LRP1B: variants seen among roughly 807,000 people sequenced by gnomAD.
LRP1B encodes LDL receptor related protein 1B, also known as low-density lipoprotein receptor-related protein 1B.
In LRP1B, 217 loss-of-function variants were observed where a neutral mutation model predicts 556.6. The ratio of observed to expected loss-of-function variants is 0.39; its 90% confidence interval spans 0.35 to 0.44. LRP1B has a LOEUF of 0.44. LRP1B is among the 20% of genes least tolerant of loss of function. The pLI is 1.00. For missense variants in LRP1B, 5,053 were observed against 5,620.8 expected (o/e 0.90, Z 3.23); for synonymous variants, 2,047 against 1,865.8 (o/e 1.10, Z -2.50).
intron 47 of LRP1B, among the ~76,000 whole-genome samples, chr2:140,527,042 CA>C (rs1346797606): frequency 6.6e-6 from 1 of 151,864 alleles, no homozygotes; most frequent in Non-Finnish European, 1.5e-5. Flanking sequence ...GGAACATATA[CA>C]CGTGTCATTC....
At chr2:140,311,943 G>A (rs1684323382) in intron 83 of LRP1B, among the ~76,000 whole-genome samples, 1 of 151,800 alleles carries the variant, frequency 6.6e-6, no homozygotes, top group African/African-American at 2.4e-5. Context: ...GTTTCATAAT[G>A]TTCTGAAGTT....
At chr2:141,339,815 G>C (rs906849117) in intron 3 of LRP1B, among the ~76,000 whole-genome samples, 2 of 152,058 alleles carry the variant, frequency 1.3e-5, no homozygotes, top group African/African-American at 4.8e-5. Flanking sequence ...GAGGGCAGCA[G>C]TGCAGGTCTG....
At chr2:141,873,705 T>G (rs1698664620) in intron 1 of LRP1B, among the ~76,000 whole-genome samples, 1 of 151,804 alleles carries the variant, frequency 6.6e-6, no homozygotes, top group African/African-American at 2.4e-5. Context: ...TGGTTTCAGG[T>G]CTGGAGTAGA....
chr2:141,000,982 G>T (rs1406745787), intron 15 of LRP1B, among the ~76,000 whole-genome samples: 1 of 151,836 alleles, frequency 6.6e-6, no homozygotes, highest in African/African-American at 2.4e-5. Context: ...AAGAATGAAA[G>T]AAATAGGAAA....
At chr2:140,498,212 C>T (rs1429671283) in intron 55 of LRP1B, among the ~76,000 whole-genome samples, 1 of 151,608 alleles carries the variant, frequency 6.6e-6, no homozygotes, top group Non-Finnish European at 1.5e-5. Context: ...CTCACCATTC[C>T]AAATTATTTA....
At chr2:140,552,787 C>T (rs1160110293) in intron 43 of LRP1B, among the ~76,000 whole-genome samples, 1 of 152,100 alleles carries the variant, frequency 6.6e-6, no homozygotes, top group East Asian at 1.9e-4. Flanking sequence ...ATTCATGTTT[C>T]TTCACAAAAC....
intron 17 of LRP1B, among the ~76,000 whole-genome samples, chr2:140,983,065 T>C (rs902630602): frequency 1.3e-5 from 2 of 151,826 alleles, no homozygotes; most frequent in African/African-American, 4.9e-5. Flanking sequence ...CCTTTTCTAG[T>C]ATAATCAGGG....
At chr2:140,469,817 A>G (rs931306471) in intron 60 of LRP1B, among the ~76,000 whole-genome samples, 2 of 152,182 alleles carry the variant, frequency 1.3e-5, no homozygotes, top group African/African-American at 4.8e-5. Flanking sequence ...CCCTGGAATT[A>G]GGTAGATCTC....
intron 7 of LRP1B, among the ~76,000 whole-genome samples, chr2:141,162,601 G>T (rs1234788830): frequency 6.6e-6 from 1 of 152,048 alleles, no homozygotes; most frequent in Non-Finnish European, 1.5e-5. Context: ...AAGTTAGCTT[G>T]CAAATAGGAT....
intron 84 of LRP1B, among the ~76,000 whole-genome samples, chr2:140,282,623 G>C (rs1347054532): frequency 6.6e-6 from 1 of 151,694 alleles, no homozygotes; most frequent in Non-Finnish European, 1.5e-5. Flanking sequence ...AATATTAAAG[G>C]ATCCTGTAGC....
At chr2:140,456,423 C>A (rs1687108985) in intron 62 of LRP1B, 32 bp downstream of exon 62, 3 of 1,603,442 alleles carry the variant, frequency 1.9e-6, no homozygotes, top group South Asian at 2.2e-5. Flanking sequence ...TCACCATACA[C>A]TCTATAATAA....
intron 1 of LRP1B, among the ~76,000 whole-genome samples, chr2:141,920,271 T>C (rs1465053065): frequency 1.8e-5 from 1 of 56,106 alleles, no homozygotes; most frequent in Non-Finnish European, 3.7e-5. Context: ...TTTTTTCTTC[T>C]TTTTTTTTGG....
chr2:140,619,259 G>A (rs1683367908), intron 41 of LRP1B, among the ~76,000 whole-genome samples: 1 of 151,924 alleles, frequency 6.6e-6, no homozygotes, highest in African/African-American at 2.4e-5. Flanking sequence ...TTACAAATTT[G>A]TTTAGAAAAT....
At chr2:140,947,482 T>A (rs1425054965) in intron 20 of LRP1B, among the ~76,000 whole-genome samples, 1 of 152,200 alleles carries the variant, frequency 6.6e-6, no homozygotes, top group African/African-American at 2.4e-5. Flanking sequence ...CCCCTGCTCT[T>A]TCTTCCACAG....
chr2:140,733,763 T>C (rs1687855021), intron 35 of LRP1B, among the ~76,000 whole-genome samples: 1 of 152,190 alleles, frequency 6.6e-6, no homozygotes, highest in African/African-American at 2.4e-5. Flanking sequence ...AGTCCATTTA[T>C]TGTTATTTAC....
At chr2:140,311,271 T>C (rs1439042037) in intron 83 of LRP1B, among the ~76,000 whole-genome samples, 1 of 151,812 alleles carries the variant, frequency 6.6e-6, no homozygotes. Flanking sequence ...AAATATGCAG[T>C]CAACCTACGT....
chr2:141,109,198 C>A (rs1159356436), intron 7 of LRP1B, among the ~76,000 whole-genome samples: 1 of 152,092 alleles, frequency 6.6e-6, no homozygotes, highest in African/African-American at 2.4e-5. Flanking sequence ...ATCAGCAGCA[C>A]CTATACCCTA....
intron 3 of LRP1B, among the ~76,000 whole-genome samples, chr2:141,404,575 A>G (rs1208774406): frequency 1.3e-5 from 2 of 152,212 alleles, no homozygotes; most frequent in East Asian, 1.9e-4. Context: ...GAAATGTAAT[A>G]ATAAGTCAGC....
intron 1 of LRP1B, among the ~76,000 whole-genome samples, chr2:141,978,630 A>T (rs762384778): frequency 9.2e-5 from 14 of 152,158 alleles, no homozygotes; most frequent in Non-Finnish European, 1.3e-4. Context: ...AGAGCCATTA[A>T]TAAAGGCAAT....
Sources: allele counts gnomAD v4.1 joint callset (sites outside exome capture counted in the v4.1 genomes callset), GRCh38; gene constraint gnomAD v4.1.1; transcripts MANE v1.5; gene names NCBI Gene and HGNC (gene_info 2026-07-23, HGNC 2026-07-21).